REDIC1: variants seen among roughly 807,000 people sequenced by gnomAD.
REDIC1 encodes regulator of DNA class I crossover intermediates 1.
chr12:39,830,486 T>G, the REDIC1 span: 1 of 1,180,952 alleles, frequency 8.5e-7, no homozygotes, highest in South Asian at 2.6e-5. Flanking sequence ...AGAGACTGAA[T>G]GTAGAAGAGT....
the REDIC1 span, among the ~76,000 whole-genome samples, chr12:39,770,378 C>T: frequency 6.6e-6 from 1 of 152,168 alleles, no homozygotes; most frequent in Non-Finnish European, 1.5e-5. Context: ...CTCCAGAAGG[C>T]AGCATGGGGC....
the REDIC1 span, among the ~76,000 whole-genome samples, chr12:39,874,191 T>C: frequency 1.8e-4 from 28 of 152,326 alleles, no homozygotes; most frequent in African/African-American, 6.3e-4. Context: ...CATAGAGGTT[T>C]GCCAGCAGGT....
At chr12:39,763,535 G>C in the REDIC1 span, among the ~76,000 whole-genome samples, 72 of 152,136 alleles carry the variant, frequency 4.7e-4, no homozygotes, top group African/African-American at 1.5e-3. Flanking sequence ...GGCCCTCCAG[G>C]GATTTATAGT....
chr12:39,691,783 G>A, the REDIC1 span, among the ~76,000 whole-genome samples: 2 of 152,066 alleles, frequency 1.3e-5, no homozygotes, highest in African/African-American at 4.8e-5. Context: ...CATTTACTAT[G>A]ATTACCTGAA....
At chr12:39,684,767 A>G in the REDIC1 span, 108 of 782,088 alleles carry the variant, frequency 1.4e-4, no homozygotes, top group Middle Eastern at 5.8e-4. Flanking sequence ...AGCTTCCCAT[A>G]TAATTCTGAT....
the REDIC1 span, among the ~76,000 whole-genome samples, chr12:39,712,907 A>G: frequency 6.8e-5 from 10 of 146,530 alleles, no homozygotes; most frequent in African/African-American, 1.7e-4. Context: ...ACGTGTATAT[A>G]CGTATATACA....
chr12:39,813,979 G>C, the REDIC1 span, among the ~76,000 whole-genome samples: 3 of 152,176 alleles, frequency 2.0e-5, no homozygotes, highest in African/African-American at 7.2e-5. Flanking sequence ...ACAATTTCCA[G>C]TATGAGTGAT....
chr12:39,679,133 C>T, the REDIC1 span, among the ~76,000 whole-genome samples: 16,716 of 151,954 alleles, frequency 0.11, 1,003 homozygotes, highest in Middle Eastern at 0.14. Context: ...TTCTATTGTA[C>T]GTAGTACTGG....
chr12:39,880,868 C>A, the REDIC1 span, among the ~76,000 whole-genome samples: 1 of 152,196 alleles, frequency 6.6e-6, no homozygotes, highest in South Asian at 2.1e-4. Context: ...AGTAAGCTCT[C>A]TCATCTGAAC....
At chr12:39,753,208 T>A in the REDIC1 span, among the ~76,000 whole-genome samples, 1 of 152,172 alleles carries the variant, frequency 6.6e-6, no homozygotes, top group Non-Finnish European at 1.5e-5. Context: ...ACACAAAACA[T>A]TAAAGGTTAA....
chr12:39,716,971 G>T, the REDIC1 span: 1 of 520,786 alleles, frequency 1.9e-6, no homozygotes, highest in Non-Finnish European at 2.9e-6. Context: ...TAAACAAAAA[G>T]GTAAAAAATT....
the REDIC1 span, among the ~76,000 whole-genome samples, chr12:39,769,231 A>C: frequency 6.6e-6 from 1 of 152,098 alleles, no homozygotes; most frequent in Non-Finnish European, 1.5e-5. Context: ...CTATTGCCTC[A>C]ATTAATTAAA....
At chr12:39,699,534 G>A in the REDIC1 span, among the ~76,000 whole-genome samples, 23 of 152,212 alleles carry the variant, frequency 1.5e-4, no homozygotes, top group Non-Finnish European at 2.2e-4. Flanking sequence ...AGGGGCGCCC[G>A]CCATTGCCCA....
chr12:39,829,180 C>A, the REDIC1 span, among the ~76,000 whole-genome samples: 1 of 151,874 alleles, frequency 6.6e-6, no homozygotes, highest in East Asian at 1.9e-4. Flanking sequence ...AATGTTAGTT[C>A]ATAAATCTGG....
the REDIC1 span, among the ~76,000 whole-genome samples, chr12:39,904,958 G>A: frequency 1.3e-4 from 19 of 151,958 alleles, no homozygotes; most frequent in Non-Finnish European, 1.9e-4. Flanking sequence ...TGATACAGAC[G>A]TGCAGGCAAA....
chr12:39,807,916 G>GATATAGCTATATATA, the REDIC1 span, among the ~76,000 whole-genome samples: 1,377 of 152,138 alleles, frequency 9.1e-3, 23 homozygotes, highest in African/African-American at 0.031. Context: ...AAAATAGCTA[G>GATATAGCTATATATA]GAAGATATAA....
At chr12:39,817,295 G>A in the REDIC1 span, among the ~76,000 whole-genome samples, 282 of 152,282 alleles carry the variant, frequency 1.9e-3, no homozygotes, top group African/African-American at 6.4e-3. Flanking sequence ...GTGTGCTAGG[G>A]TGGGATGCAG....
At chr12:39,749,275 G>A in the REDIC1 span, among the ~76,000 whole-genome samples, 1 of 152,126 alleles carries the variant, frequency 6.6e-6, no homozygotes, top group East Asian at 1.9e-4. Flanking sequence ...ACTACCATCA[G>A]AGAATACTAT....
chr12:39,713,272 ACACACACATACGTGTATATATGTG>A, the REDIC1 span, among the ~76,000 whole-genome samples: 3 of 42,152 alleles, frequency 7.1e-5, no homozygotes, highest in East Asian at 7.8e-4. Flanking sequence ...ATATATGTGT[ACACACACATACGTGTATATATGTG>A]TACACACACA....
Sources: gnomAD v4.1 joint callset for allele counts (sites outside exome capture counted in the v4.1 genomes callset) on GRCh38, gnomAD v4.1.1 for gene constraint, MANE v1.5 for transcripts, NCBI Gene and HGNC (gene_info 2026-07-23, HGNC 2026-07-21) for gene names.